FHIT: variants seen among roughly 807,000 people sequenced by gnomAD.
The protein encoded by FHIT is bis(5'-adenosyl)-triphosphatase.
Under a neutral mutation model 17.9 loss-of-function variants are expected in FHIT, and 19 were observed. The observed-to-expected ratio is 1.06, with a 90% CI of 0.74 to 1.56. The LOEUF is 1.56. Among genes scored for constraint, FHIT ranks in the 40% most tolerant of loss-of-function variants. The pLI is 0.00. For synonymous variants in FHIT, 81 were observed against 69.7 expected (o/e 1.16, Z -0.81); for missense variants, 248 against 189.2 (o/e 1.31, Z -1.82).
intron 3 of FHIT, among the ~76,000 whole-genome samples, chr3:60,898,706 C>T (rs1553762464): frequency 6.6e-6 from 1 of 152,094 alleles, no homozygotes; most frequent in African/African-American, 2.4e-5. Context: ...TTCACTCTTC[C>T]TGCACAGCTC....
rs2033837070 is a variant in FHIT at position 61,047,298 on chromosome 3, T to C, written c.-163-5199A>G. On this transcript the variant is annotated intron_variant, in intron 2 of 9. Transcript: ENST00000492590. ...TTCAGCAAAGTCTCAGGATACAAAA[T>C]CAATGTGCAAAAATCACAAGCATTC... is the stretch of plus-strand genomic sequence containing the variant. Among the ~76,000 whole-genome samples, 7 of 152,228 alleles carry C rather than the reference T, an allele frequency of 4.6e-5. No individual in the cohort carries two copies. The South Asian group carries it at 1.5e-3, about 32-fold the overall frequency.
At chr3:61,091,930 C>G (rs2035495469) in intron 2 of FHIT, among the ~76,000 whole-genome samples, 1 of 115,746 alleles carries the variant, frequency 8.6e-6, no homozygotes, top group African/African-American at 3.9e-5. Context: ...ACAGAGAGAC[C>G]TTGTCTAAAA....
chr3:61,090,816 A>G (rs2035458654), intron 2 of FHIT, among the ~76,000 whole-genome samples: 1 of 152,222 alleles, frequency 6.6e-6, no homozygotes, highest in Non-Finnish European at 1.5e-5. Context: ...TGTTAAAATC[A>G]ATAGGAAAAA....
At chr3:60,674,302 A>T (rs2040573759) in intron 4 of FHIT, among the ~76,000 whole-genome samples, 1 of 152,070 alleles carries the variant, frequency 6.6e-6, no homozygotes, top group African/African-American at 2.4e-5. Flanking sequence ...TCTTCATTTT[A>T]TGTCACCCAT....
rs535248678 is a variant in FHIT at position 59,936,908 on chromosome 3, C to A, written c.280-14494G>T. 2.6e-5 allele frequency among the ~76,000 whole-genome samples: 4 copies of A among 152,256 alleles called. No homozygotes were observed. The East Asian group carries it at 7.7e-4, about 29-fold the overall frequency. On this transcript the variant is annotated intron_variant, in intron 7 of 9. Transcript: ENST00000492590. ...GTCAGCCATGAAGGACAAGCTTGTG[C>A]TAATTCTCTTTCCAGTGCTAACAAA...
At chr3:60,795,468 T>C (rs1700946585) in intron 4 of FHIT, among the ~76,000 whole-genome samples, 1 of 152,000 alleles carries the variant, frequency 6.6e-6, no homozygotes, top group African/African-American at 2.4e-5. Flanking sequence ...TATTTTAATT[T>C]CTTTAGCCAT....
intron 7 of FHIT, among the ~76,000 whole-genome samples, chr3:59,972,905 T>C (rs139830636): frequency 1.7e-3 from 261 of 152,204 alleles, no homozygotes; most frequent in African/African-American, 6.1e-3. Flanking sequence ...TGCTCTTCAG[T>C]CACAGGCTCC....
At chr3:61,223,688 T>C (rs1408751276) in intron 1 of FHIT, among the ~76,000 whole-genome samples, 1 of 152,178 alleles carries the variant, frequency 6.6e-6, no homozygotes, top group Non-Finnish European at 1.5e-5. Flanking sequence ...TGTATCTCAG[T>C]AAGTCCCCAA....
At chr3:60,830,062 C>G (rs1702278359) in intron 3 of FHIT, among the ~76,000 whole-genome samples, 1 of 151,994 alleles carries the variant, frequency 6.6e-6, no homozygotes, top group Non-Finnish European at 1.5e-5. Flanking sequence ...CCTGGGCATC[C>G]CTCCACAACT....
intron 7 of FHIT, among the ~76,000 whole-genome samples, chr3:59,974,702 T>A (rs768935971): frequency 6.6e-6 from 1 of 152,074 alleles, no homozygotes; most frequent in Non-Finnish European, 1.5e-5. Flanking sequence ...CCAAGCCCAA[T>A]AAATGTTAAA....
intron 4 of FHIT, among the ~76,000 whole-genome samples, chr3:60,755,104 A>G (rs916904721): frequency 6.6e-6 from 1 of 152,230 alleles, no homozygotes; most frequent in African/African-American, 2.4e-5. Context: ...CTTCAAGTAT[A>G]TAAATCCTAC....
At chr3:60,243,556 C>T (rs1343106169) in intron 5 of FHIT, among the ~76,000 whole-genome samples, 1 of 152,032 alleles carries the variant, frequency 6.6e-6, no homozygotes, top group Non-Finnish European at 1.5e-5. Flanking sequence ...TTCCATCATG[C>T]TTTAAGCTCC....
intron 5 of FHIT, among the ~76,000 whole-genome samples, chr3:60,336,155 G>T (rs554135719): frequency 2.6e-4 from 39 of 152,304 alleles, no homozygotes; most frequent in Non-Finnish European, 4.7e-4. Context: ...GCAGCAAGCT[G>T]TGCACTCCTA....
At chr3:60,880,675 T>C (rs973669031) in intron 3 of FHIT, among the ~76,000 whole-genome samples, 51 of 152,276 alleles carry the variant, frequency 3.3e-4, no homozygotes, top group Non-Finnish European at 1.6e-4. Context: ...GAGGTTGCAG[T>C]GAGCTGAGAT....
chr3:60,011,428 T>G (rs751653579), intron 6 of FHIT, 28 bp from the exon 7 acceptor site: 19 of 1,598,986 alleles, frequency 1.2e-5, no homozygotes, highest in Non-Finnish European at 1.5e-5. Context: ...CCAACAGAGG[T>G]GAGAATAGAT....
At chr3:60,008,174 G>A (rs114647835) in intron 7 of FHIT, among the ~76,000 whole-genome samples, 1 of 152,270 alleles carries the variant, frequency 6.6e-6, no homozygotes, top group Non-Finnish European at 1.5e-5. Flanking sequence ...CCAGGACAGA[G>A]AGTAGGGGCT....
At chr3:60,198,512 G>T (rs545618400) in intron 5 of FHIT, among the ~76,000 whole-genome samples, 1 of 151,426 alleles carries the variant, frequency 6.6e-6, no homozygotes, top group Admixed American at 6.6e-5. Flanking sequence ...TCCCAGGTGA[G>T]ATATGCAAGA....
At chr3:61,216,566 C>T (rs2039682023) in intron 1 of FHIT, among the ~76,000 whole-genome samples, 1 of 152,170 alleles carries the variant, frequency 6.6e-6, no homozygotes, top group Non-Finnish European at 1.5e-5. Flanking sequence ...CTAGTTCAAC[C>T]ATTGTGGAAG....
intron 3 of FHIT, among the ~76,000 whole-genome samples, chr3:60,948,200 A>T (rs1170397866): frequency 6.6e-6 from 1 of 152,088 alleles, no homozygotes; most frequent in African/African-American, 2.4e-5. Context: ...TTCATCCCTA[A>T]GGGGGTCTTA....
Sources: gnomAD v4.1 joint callset for allele counts (sites outside exome capture counted in the v4.1 genomes callset) on GRCh38, gnomAD v4.1.1 for gene constraint, MANE v1.5 for transcripts, NCBI Gene and HGNC (gene_info 2026-07-23, HGNC 2026-07-21) for gene names.